The following KCND2 variants were observed in gnomAD, a reference collection of about 807,000 sequenced individuals.
KCND2 encodes the protein potassium voltage-gated channel subfamily D member 2.
In KCND2, 16 loss-of-function variants were observed where a neutral mutation model predicts 54.4. That is an observed-to-expected ratio of 0.29 (90% CI 0.20 to 0.45). The LOEUF is 0.45. Among genes scored for constraint, KCND2 ranks in the 20% least tolerant of loss-of-function variants. The pLI is 1.00. For synonymous variants in KCND2, 317 were observed against 310.7 expected (o/e 1.02, Z -0.21); for missense variants, 486 against 824.2 (o/e 0.59, Z 5.02).
intron 1 of KCND2, among the ~76,000 whole-genome samples, chr7:120,301,876 T>C (rs1049091538): frequency 6.6e-6 from 1 of 152,138 alleles, no homozygotes; most frequent in Admixed American, 6.6e-5. Flanking sequence ...TAAGAGAACA[T>C]AGAGAATTGA....
intron 1 of KCND2, among the ~76,000 whole-genome samples, chr7:120,615,821 G>T (rs190531373): frequency 2.6e-5 from 4 of 152,312 alleles, no homozygotes; most frequent in Admixed American, 2.6e-4. Context: ...TAGGACTTGG[G>T]TTTTCTAATA....
chr7:120,437,445 G>T (rs915699168), intron 1 of KCND2, among the ~76,000 whole-genome samples: 15 of 151,934 alleles, frequency 9.9e-5, no homozygotes, highest in Non-Finnish European at 1.9e-4. Context: ...CAGGTGATCT[G>T]CCCACCTTGG....
chr7:120,598,160 G>C (rs191176282), intron 1 of KCND2, among the ~76,000 whole-genome samples: 1 of 151,918 alleles, frequency 6.6e-6, no homozygotes, highest in Admixed American at 6.6e-5. Flanking sequence ...ACAATTAAGT[G>C]GTTTCAATGA....
intron 1 of KCND2, among the ~76,000 whole-genome samples, chr7:120,632,991 C>T (rs1211891575): frequency 6.6e-6 from 1 of 152,170 alleles, no homozygotes; most frequent in African/African-American, 2.4e-5. Context: ...GGCTTTAAAA[C>T]CTGCAACAAT....
intron 1 of KCND2, among the ~76,000 whole-genome samples, chr7:120,375,836 C>G (rs181354984): frequency 1.4e-3 from 213 of 151,810 alleles, no homozygotes; most frequent in Admixed American, 2.4e-3. Flanking sequence ...CCAGCATGAC[C>G]TACAAAAGGA....
intron 1 of KCND2, among the ~76,000 whole-genome samples, chr7:120,460,309 G>T (rs555665051): frequency 6.6e-6 from 1 of 152,118 alleles, no homozygotes; most frequent in Non-Finnish European, 1.5e-5. Context: ...CCACATTACA[G>T]TTTATAAACT....
chr7:120,527,983 T>G (rs949267385), intron 1 of KCND2, among the ~76,000 whole-genome samples: 2 of 152,180 alleles, frequency 1.3e-5, no homozygotes. Flanking sequence ...TTGTGGAAAC[T>G]GATAAAATAA....
intron 1 of KCND2, among the ~76,000 whole-genome samples, chr7:120,615,885 A>C (rs2116493308): frequency 6.6e-6 from 1 of 152,280 alleles, no homozygotes; most frequent in South Asian, 2.1e-4. Flanking sequence ...ACTCTTCTAA[A>C]AGAACCGTTT....
At chr7:120,598,977 G>A (rs1001970114) in intron 1 of KCND2, among the ~76,000 whole-genome samples, 3 of 152,020 alleles carry the variant, frequency 2.0e-5, no homozygotes, top group Non-Finnish European at 1.5e-5. Flanking sequence ...TTAGGTAGCC[G>A]ATCCATTTTG....
intron 1 of KCND2, among the ~76,000 whole-genome samples, chr7:120,440,604 T>C (rs1392763568): frequency 1.3e-5 from 2 of 151,978 alleles, no homozygotes; most frequent in African/African-American, 4.8e-5. Flanking sequence ...TTTTCTTCTG[T>C]TAGTTTCATA....
At chr7:120,611,753 C>A (rs1324271791) in intron 1 of KCND2, among the ~76,000 whole-genome samples, 1 of 152,152 alleles carries the variant, frequency 6.6e-6, no homozygotes, top group Non-Finnish European at 1.5e-5. Context: ...TTTCAAGACT[C>A]CCTTTGACTG....
chr7:120,646,356 A>C (rs114187988), intron 1 of KCND2, among the ~76,000 whole-genome samples: 2,896 of 152,120 alleles, frequency 0.019, 76 homozygotes, highest in African/African-American at 0.065. Context: ...AATAGCTTAG[A>C]TTTGTTTCAA....
chr7:120,584,513 A>C (rs921786912), intron 1 of KCND2, among the ~76,000 whole-genome samples: 16 of 152,378 alleles, frequency 1.1e-4, no homozygotes, highest in African/African-American at 3.8e-4. Context: ...ATCAGTGAAA[A>C]AAAGTTGAAC....
chr7:120,420,746 A>G (rs894968895), intron 1 of KCND2, among the ~76,000 whole-genome samples: 30 of 152,160 alleles, frequency 2.0e-4, no homozygotes, highest in African/African-American at 7.2e-4. Flanking sequence ...AGAGGGAAAA[A>G]AATTAATTCA....
chr7:120,747,596 A>G (rs1000130048), intron 5 of KCND2, 85 bp from the exon 6 acceptor site: 1 of 871,296 alleles, frequency 1.1e-6, no homozygotes, highest in Non-Finnish European at 1.9e-6. Context: ...ATATTTTTAT[A>G]AGCATTACAA....
chr7:120,483,453 A>G (rs372807431), intron 1 of KCND2, among the ~76,000 whole-genome samples: 2 of 152,288 alleles, frequency 1.3e-5, no homozygotes, highest in Admixed American at 6.5e-5. Flanking sequence ...CATGGAAGTG[A>G]TAGGTAAAAC....
At chr7:120,726,302 C>A (rs1792733158) in intron 1 of KCND2, among the ~76,000 whole-genome samples, 1 of 152,038 alleles carries the variant, frequency 6.6e-6, no homozygotes, top group South Asian at 2.1e-4. Flanking sequence ...AGTTCAATAC[C>A]ACAAGCAGGT....
intron 4 of KCND2, among the ~76,000 whole-genome samples, chr7:120,743,117 G>A (rs1168992267): frequency 6.6e-6 from 1 of 152,128 alleles, no homozygotes; most frequent in Admixed American, 6.6e-5. Flanking sequence ...TGTAATCACT[G>A]GTATGCCCTT....
chr7:120,447,435 T>C lies in KCND2; in HGVS notation c.1115+171688T>C, dbSNP rs1263927365. Among the ~76,000 whole-genome samples the C allele has an allele frequency of 2.0e-5, 3 of 151,858 alleles. No homozygotes were observed. The East Asian group carries it at 5.8e-4, about 29-fold the overall frequency. Reference sequence around the variant, plus strand: ...CAGTTTTCCCCCTAATTTTAGACATTGATGTGTGAAGATGTAATACTTGGA... The same window carrying C: ...CAGTTTTCCCCCTAATTTTAGACATCGATGTGTGAAGATGTAATACTTGGA... On this transcript the variant is annotated intron_variant, in intron 1 of 5. Coordinates refer to ENST00000331113, the MANE Select transcript of KCND2 (RefSeq NM_012281.3).
Sources: allele counts gnomAD v4.1 joint callset (sites outside exome capture counted in the v4.1 genomes callset), GRCh38; gene constraint gnomAD v4.1.1; transcripts MANE v1.5; gene names NCBI Gene and HGNC (gene_info 2026-07-23, HGNC 2026-07-21).